ARHGAP36: variants seen among roughly 807,000 people sequenced by gnomAD.
The protein encoded by ARHGAP36 is Rho GTPase activating protein 36, also known as rho GTPase-activating protein 36.
In ARHGAP36, 7 loss-of-function variants were observed where a neutral mutation model predicts 32.9. That is an observed-to-expected ratio of 0.21 (90% CI 0.12 to 0.40). The LOEUF is 0.40. ARHGAP36 is among the 10% of genes least tolerant of loss of function. The pLI is 1.00. For synonymous variants in ARHGAP36, 165 were observed against 168.3 expected, an observed-to-expected ratio of 0.98 and a Z score of 0.15; for missense variants, 383 against 442.2, an observed-to-expected ratio of 0.87 and a Z score of 1.20.
chrX:131,085,870 G>A (rs998957044), intron 8 of ARHGAP36, 43 bp from the exon 9 acceptor site: 2 of 1,195,861 alleles, frequency 1.7e-6, no homozygotes, highest in Non-Finnish European at 2.3e-6. Context: ...ACAACTCCCA[G>A]TACTACCTCA....
Position 131,079,562 on chromosome X carries a change from G to GTTTT in ARHGAP36, c.-142-1952_-142-1949dup, listed in dbSNP as rs11417328. Among the ~76,000 whole-genome samples, 661 of 93,098 alleles carry GTTTT rather than the reference G, an allele frequency of 7.1e-3. 10 individuals are homozygous for GTTTT. The highest frequency in any genetic ancestry group is 0.025 in the African/African-American group (636 of 25,176). The allele number at this position is 93,098 out of a possible 115,157, so 80.8% of individuals were successfully genotyped here. On this transcript the variant is annotated intron_variant, in intron 1 of 11. Coordinates refer to ENST00000276211, the MANE Select transcript of ARHGAP36 (RefSeq NM_144967.4). ...GTTTGTTTTTTGTTTTTTGTTTTTT[G>GTTTT]TTTTTTTTTTTTTGGACAGAAGGTA...
At chrX:131,079,201 A>T (rs776464323) in intron 1 of ARHGAP36, among the ~76,000 whole-genome samples, 12 of 111,976 alleles carry the variant, frequency 1.1e-4, no homozygotes, top group Non-Finnish European at 1.7e-4. Flanking sequence ...CCCTAGACTA[A>T]TAGGCTCTGG....
At chrX:131,062,575 G>A (rs2079675413) in intron 1 of ARHGAP36, among the ~76,000 whole-genome samples, 1 of 111,681 alleles carries the variant, frequency 9.0e-6, no homozygotes, top group African/African-American at 3.3e-5. Flanking sequence ...TAAGGTTGCT[G>A]TGAGAGAGTT....
At chrX:131,086,117 T>A in intron 9 of ARHGAP36, 28 bp downstream of exon 9, 1 of 1,201,601 alleles carries the variant, frequency 8.3e-7, no homozygotes, top group Non-Finnish European at 1.1e-6. Flanking sequence ...ATGCACTTGT[T>A]TTACACATCC....
chrX:131,078,791 A>G, intron 1 of ARHGAP36: 1 of 945,015 alleles, frequency 1.1e-6, no homozygotes, highest in Non-Finnish European at 1.4e-6. Flanking sequence ...GAACTGCAGC[A>G]TATAACTGCT....
At position 131,088,827 on chromosome X, in the gene ARHGAP36, G is replaced by A; in HGVS notation, c.*42G>A. On this transcript the variant is annotated 3_prime_UTR_variant, in exon 12 of 12. Transcript: ENST00000276211. ...AAGGTGCCAGACAGGGGAAAAGGGT[G>A]GGGGTACATCTGGGATGTCACAGGA... 1 of 1,171,949 alleles carries A rather than the reference G, an allele frequency of 8.5e-7. No individual in the cohort carries two copies.
chrX:131,078,651 CCCCCT>C, intron 1 of ARHGAP36: 1 of 711,904 alleles, frequency 1.4e-6, no homozygotes, highest in Non-Finnish European at 1.9e-6. Flanking sequence ...CCTACTCATT[CCCCCT>C]CCCCACCCCA....
At chrX:131,061,707 T>C (rs2079669885) in intron 1 of ARHGAP36, among the ~76,000 whole-genome samples, 1 of 111,258 alleles carries the variant, frequency 9.0e-6, no homozygotes, top group African/African-American at 3.3e-5. Context: ...AGTCAGGTCG[T>C]CAGATAAGCA....
rs1389709758 is a variant in ARHGAP36, at chrX:131,070,266, C to A, written c.-142-11258C>A. Among the ~76,000 whole-genome samples the A allele has an allele frequency of 1.8e-4, 20 of 112,286 alleles. 1 individual carries two copies. In the Admixed American group the frequency reaches 1.9e-3, roughly 11 times the overall value. On this transcript the variant is annotated intron_variant, in intron 1 of 11. Transcript: ENST00000276211. The stretch of plus-strand genomic sequence containing the variant: ...AAGCCTCTTTCCTGGAGGGCAGAGG[C>A]CCTGGCCAGCTAGAGGGTGATTCAC...
At chrX:131,069,300 C>A (rs2079720243) in intron 1 of ARHGAP36, among the ~76,000 whole-genome samples, 1 of 111,795 alleles carries the variant, frequency 8.9e-6, no homozygotes, top group Non-Finnish European at 1.9e-5. Context: ...GATGGACCTC[C>A]CCCTCCGACT....
intron 1 of ARHGAP36, chrX:131,072,921 A>G (rs1254384601): frequency 1.8e-5 from 2 of 112,228 alleles, no homozygotes; most frequent in Non-Finnish European, 1.9e-5. Flanking sequence ...CAGTGCCTGC[A>G]GCTCCTCTCA....
At chrX:131,072,095 G>C (rs2079735841) in intron 1 of ARHGAP36, among the ~76,000 whole-genome samples, 1 of 111,537 alleles carries the variant, frequency 9.0e-6, no homozygotes, top group African/African-American at 3.3e-5. Context: ...AAGGTAAGAT[G>C]GTTTGGGCTG....
At chrX:131,085,119 A>AG in intron 7 of ARHGAP36, 55 bp downstream of exon 7, 1 of 1,124,778 alleles carries the variant, frequency 8.9e-7, no homozygotes, top group Non-Finnish European at 1.2e-6. Flanking sequence ...ACTGGGGTCT[A>AG]GGGGGTTCTA....
intron 11 of ARHGAP36, among the ~76,000 whole-genome samples, chrX:131,087,851 C>G (rs1220094779): frequency 9.0e-6 from 1 of 111,700 alleles, no homozygotes; most frequent in African/African-American, 3.3e-5. Context: ...CTATGTGGCT[C>G]CAAAACCTAA....
chrX:131,084,128 T>A (rs952603914), intron 4 of ARHGAP36, 87 bp from the exon 5 acceptor site: 2 of 1,056,077 alleles, frequency 1.9e-6, no homozygotes, highest in Admixed American at 5.6e-5. Flanking sequence ...ATGTATCTTG[T>A]CCTGAATGTC....
chrX:131,079,000 T>G (rs1409243164), intron 1 of ARHGAP36, among the ~76,000 whole-genome samples: 1 of 112,042 alleles, frequency 8.9e-6, no homozygotes, highest in Non-Finnish European at 1.9e-5. Context: ...GAGAAGGGAC[T>G]GATTTTCATC....
chrX:131,087,894 A>T (rs2079843449), intron 11 of ARHGAP36, among the ~76,000 whole-genome samples: 1 of 111,921 alleles, frequency 8.9e-6, no homozygotes, highest in South Asian at 3.8e-4. Context: ...GTTCAAGATT[A>T]TCAGAAAGAC....
chrX:131,069,299 C>A (rs1603392896), intron 1 of ARHGAP36, among the ~76,000 whole-genome samples: 1 of 111,757 alleles, frequency 8.9e-6, no homozygotes, highest in Non-Finnish European at 1.9e-5. Context: ...AGATGGACCT[C>A]CCCCTCCGAC....
intron 1 of ARHGAP36, among the ~76,000 whole-genome samples, chrX:131,072,329 A>G (rs959290060): frequency 6.2e-5 from 7 of 112,098 alleles, no homozygotes; most frequent in South Asian, 3.7e-4. Context: ...GCCCTAGACA[A>G]GAAGACCAGA....
Sources: allele counts gnomAD v4.1 joint callset (sites outside exome capture counted in the v4.1 genomes callset), GRCh38; gene constraint gnomAD v4.1.1; transcripts MANE v1.5; gene names NCBI Gene and HGNC (gene_info 2026-07-23, HGNC 2026-07-21).